Variants in PPARGC1B observed in about 807,000 individuals in gnomAD.
PPARGC1B encodes PPARG coactivator 1 beta.
Under a neutral mutation model 101.6 loss-of-function variants are expected in PPARGC1B, and 34 were observed. The ratio of observed to expected loss-of-function variants is 0.33; its 90% CI spans 0.25 to 0.45. The LOEUF is 0.45. Among genes scored for constraint, PPARGC1B ranks in the 20% least tolerant of loss-of-function variants. The pLI, the probability that PPARGC1B is intolerant of heterozygous loss-of-function variation, is 1.00. For missense variants in PPARGC1B, 1,234 were observed against 1,317.6 expected, an observed-to-expected ratio of 0.94 and a Z score of 0.98; for synonymous variants, 548 against 539.3, an observed-to-expected ratio of 1.02 and a Z score of -0.22.
chr5:149,844,069 A>G (rs1425035646), intron 10 of PPARGC1B, among the ~76,000 whole-genome samples: 1 of 152,244 alleles, frequency 6.6e-6, no homozygotes, highest in Admixed American at 6.5e-5. Context: ...GCTTCGTTGC[A>G]CAGCAATATG....
In PPARGC1B at chr5:149,835,274, C is replaced by A. The variant is rs750566202; in HGVS notation, c.1743-27C>A. On this transcript the variant is annotated intron_variant, in intron 6 of 11. Coordinates refer to ENST00000309241, the MANE Select transcript of PPARGC1B (RefSeq NM_133263.4). ...ATGCCTGCTGCTGACTTGCTTCTTT[C>A]CTTTCTGTCCTCCCTGCCTCCACCA... 2.0e-5 allele frequency: 32 copies of A among 1,612,788 alleles called. No homozygotes were observed. The South Asian group carries it at 3.3e-4, about 17-fold the overall frequency.
rs1365374107 is a variant in PPARGC1B, at chr5:149,826,768, G to A, written c.348G>A (p.Leu116=). ...DDVGLAAFPA[L]DGGDALSCTS... is the part of the protein sequence containing the mutation. The stretch of plus-strand genomic sequence containing the variant: ...TGGGTCTGGCTGCCTTCCCAGCCCT[G>A]GATGGTGGAGACGCTCTATCATGCA... The change falls in exon 3 of 12, where the codon CTG becomes CTA. Residue 116 remains leucine (L), a synonymous_variant. Transcript: ENST00000309241. 5 of 1,613,896 alleles carry A rather than the reference G, an allele frequency of 3.1e-6. No homozygotes were observed. Among genetic ancestry groups the A allele is most frequent in the Non-Finnish European group, 4.2e-6 (5 of 1,179,956 alleles).
intron 1 of PPARGC1B, among the ~76,000 whole-genome samples, chr5:149,766,707 G>A (rs1204637727): frequency 6.6e-6 from 1 of 152,224 alleles, no homozygotes; most frequent in Admixed American, 6.5e-5. Context: ...CCTTGACAGA[G>A]CACAATAGCA....
At chr5:149,767,294 T>C (rs1755946793) in intron 1 of PPARGC1B, among the ~76,000 whole-genome samples, 1 of 152,096 alleles carries the variant, frequency 6.6e-6, no homozygotes. Context: ...CCAGCCTTTT[T>C]CCCCGCTCTA....
At position 149,832,559 on chromosome 5, in the gene PPARGC1B, G is replaced by C; in HGVS notation, c.583-97G>C. On this transcript the variant is annotated intron_variant, in intron 4 of 11. Coordinates refer to ENST00000309241, the MANE Select transcript of PPARGC1B (RefSeq NM_133263.4). This position sits in a 1 kb window ranked among gnomAD's most constrained non-coding sequence, Gnocchi z 4.9. ...GAAACCTGGCTGTTCCTATGATCCA[G>C]GTGAGACACAATGGGCCAGCCAGTG... 2 of 1,007,442 alleles carry C rather than the reference G, an allele frequency of 2.0e-6. No homozygotes were observed. The highest frequency in any genetic ancestry group is 3.8e-5 in the South Asian group (2 of 52,388). The allele number at this position is 1,007,442 out of a possible 1,614,324, so 62.4% of individuals were successfully genotyped here.
In PPARGC1B at chr5:149,830,849, G is replaced by A. The variant is rs1274208646; in HGVS notation, c.548G>A (p.Gly183Asp). 6.2e-7 allele frequency: 1 copy of A among 1,614,086 alleles called. No homozygotes were observed. The highest frequency in any genetic ancestry group is 1.7e-5 in the Admixed American group (1 of 60,028). Residue 183 changes from glycine to aspartate, a missense_variant, in exon 4 of 12, where the codon GGC (glycine) becomes GAC (aspartate). By Grantham distance (94) the Gly-to-Asp change is moderately conservative. Coordinates refer to ENST00000309241, the MANE Select transcript of PPARGC1B (RefSeq NM_133263.4). ...GAAGGGACCGCCTGGCGCCAGGCAG[G>A]CCTCAGATCTAAAAGTCAACGGCCT... ...QKEGTAWRQA[G>D]LRSKSQRPCV...
At chr5:149,799,617 T>C (rs1757354932) in intron 1 of PPARGC1B, among the ~76,000 whole-genome samples, 1 of 150,780 alleles carries the variant, frequency 6.6e-6, no homozygotes, top group African/African-American at 2.4e-5. Flanking sequence ...AAGGAGAAGC[T>C]GGGGCATTCA....
At chr5:149,803,569 G>A (rs2113298234) in intron 1 of PPARGC1B, among the ~76,000 whole-genome samples, 1 of 152,292 alleles carries the variant, frequency 6.6e-6, no homozygotes, top group East Asian at 1.9e-4. Context: ...CTGTCATTGA[G>A]AGAGTTCCTC....
rs201384823 is a variant in PPARGC1B, at chr5:149,842,380, G to A, written c.2816+3G>A. On this transcript the variant is annotated splice_donor_region_variant and intron_variant, in intron 10 of 11. Transcript: ENST00000309241. Reference sequence around the variant, plus strand: ...GAGGTGCTGACAAGAAATAGGAGGTGAGTTGAACCAAGCCATGGCAAATGA... The same window carrying A: ...GAGGTGCTGACAAGAAATAGGAGGTAAGTTGAACCAAGCCATGGCAAATGA... The A allele has an allele frequency of 6.2e-7, 1 of 1,613,024 alleles. No individual in the cohort carries two copies. Among genetic ancestry groups the A allele is most frequent in the African/African-American group, 1.3e-5 (1 of 75,030 alleles).
At chr5:149,817,727 T>C (rs1025596340) in intron 1 of PPARGC1B, 6 of 456,286 alleles carry the variant, frequency 1.3e-5, no homozygotes, top group Non-Finnish European at 2.6e-5. Context: ...ATACCAAGTG[T>C]TGGAGAGGGT....
chr5:149,811,577 G>A (rs967900578), intron 1 of PPARGC1B, among the ~76,000 whole-genome samples: 2 of 152,194 alleles, frequency 1.3e-5, no homozygotes, highest in African/African-American at 4.8e-5. Context: ...GAGGCTCTCA[G>A]GCACCTTAGG....
intron 1 of PPARGC1B, among the ~76,000 whole-genome samples, chr5:149,809,506 AT>A (rs1757762289): frequency 6.8e-6 from 1 of 147,632 alleles, no homozygotes; most frequent in African/African-American, 2.6e-5. Flanking sequence ...AGATAGATAG[AT>A]AGATAGATAG....
At chr5:149,806,473 C>G (rs1757603345) in intron 1 of PPARGC1B, among the ~76,000 whole-genome samples, 1 of 152,174 alleles carries the variant, frequency 6.6e-6, no homozygotes, top group Non-Finnish European at 1.5e-5. Context: ...AGCCCTGGCC[C>G]TGCTCCCTCG....
chr5:149,781,095 C>T (rs1756580272), intron 1 of PPARGC1B, among the ~76,000 whole-genome samples: 1 of 151,782 alleles, frequency 6.6e-6, no homozygotes, highest in South Asian at 2.1e-4. Context: ...ATCCCAGCTA[C>T]TTGGGAGGCT....
chr5:149,842,997 G>A (rs755585712), intron 10 of PPARGC1B, among the ~76,000 whole-genome samples: 7 of 152,114 alleles, frequency 4.6e-5, no homozygotes, highest in Admixed American at 2.0e-4. Flanking sequence ...GTGAAACCCC[G>A]TCTCTACTGA....
Position 149,730,506 on chromosome 5 carries a change from C to A in PPARGC1B, c.78+86C>A. 8.8e-7 allele frequency: 1 copy of A among 1,132,802 alleles called. No homozygotes were observed. Among genetic ancestry groups the A allele is most frequent in the Non-Finnish European group, 1.2e-6 (1 of 820,168 alleles). 70.2% of individuals were successfully genotyped at this position (1,132,802 alleles called of 1,614,324 possible). On this transcript the variant is annotated intron_variant, in intron 1 of 11. Coordinates refer to ENST00000309241, the MANE Select transcript of PPARGC1B (RefSeq NM_133263.4). This position sits in a 1 kb window ranked among gnomAD's most constrained non-coding sequence, Gnocchi z 4.0. ...TGCAGCCGCGGAGGCCGGGAGGCAGCGGTGGGAGCCCTGGGGTAACTGGGG... is the reference window on the plus strand; with the variant it reads ...TGCAGCCGCGGAGGCCGGGAGGCAGAGGTGGGAGCCCTGGGGTAACTGGGG...
chr5:149,797,542 A>G (rs922519973), intron 1 of PPARGC1B, among the ~76,000 whole-genome samples: 8 of 152,242 alleles, frequency 5.3e-5, no homozygotes, highest in South Asian at 2.1e-4. Flanking sequence ...AAACACTACC[A>G]TAACAGATTC....
chr5:149,785,341 C>T (rs140201982), intron 1 of PPARGC1B, among the ~76,000 whole-genome samples: 5 of 152,288 alleles, frequency 3.3e-5, no homozygotes, highest in East Asian at 1.9e-4. Flanking sequence ...TCTCATTGGC[C>T]GGGTGATCTT....
Position 149,770,152 on chromosome 5 carries a change from T to A in PPARGC1B, c.78+39732T>A, listed in dbSNP as rs371971979. 2.4e-3 allele frequency among the ~76,000 whole-genome samples: 359 copies of A among 152,270 alleles called. 2 individuals are homozygous for A. Among genetic ancestry groups the A allele is most frequent in the Middle Eastern group, 0.014 (4 of 294 alleles). On this transcript the variant is annotated intron_variant, in intron 1 of 11. Coordinates refer to ENST00000309241, the MANE Select transcript of PPARGC1B (RefSeq NM_133263.4). Reference sequence around the variant, plus strand: ...TGCCTTCCTTTTATATATCCTTTTTTAATATTTATTTTTATTTTTAAGACA... The same window carrying A: ...TGCCTTCCTTTTATATATCCTTTTTAAATATTTATTTTTATTTTTAAGACA...
Sources: gnomAD v4.1 joint callset for allele counts (sites outside exome capture counted in the v4.1 genomes callset) on GRCh38, gnomAD v4.1.1 for gene constraint, Gnocchi (gnomAD v3.1) non-coding constraint, MANE v1.5 for transcripts, NCBI Gene and HGNC (gene_info 2026-07-23, HGNC 2026-07-21) for gene names.